Variants in CHD2 observed in about 807,000 individuals in gnomAD.
CHD2 encodes chromodomain helicase DNA binding protein 2, also known as ATP-dependent chromatin remodeler CHD2.
CHD2 carries 28 observed loss-of-function variants against 243.9 expected under a neutral mutation model. The ratio of observed to expected loss-of-function variants is 0.11; its 90% CI spans 0.09 to 0.16. CHD2 has a LOEUF of 0.16. Ranked by LOEUF, CHD2 falls within the 10% of genes least tolerant of loss-of-function variation. The pLI is 1.00. For synonymous variants in CHD2, 775 were observed against 779.0 expected (o/e 0.99, Z 0.09); for missense variants, 1,386 against 2,209.8 (o/e 0.63, Z 7.47).
chr15:92,953,426 C>T lies in CHD2; in HGVS notation c.1572C>T (p.Ser524=), dbSNP rs1019484868. 3 of 1,614,046 alleles carry T rather than the reference C, an allele frequency of 1.9e-6. No homozygotes were observed. Among genetic ancestry groups the T allele is most frequent in the African/African-American group, 2.7e-5 (2 of 74,920 alleles). ...CCATCCAGACCATATCATTCCTCTC[C>T]TACCTGTTCCACCAACACCAGCTGT... ...GKTIQTISFL[S]YLFHQHQLYG... Residue 524 remains serine (S), a synonymous_variant, in exon 14 of 39, where the codon TCC becomes TCT. Coordinates refer to ENST00000394196, the MANE Select transcript of CHD2 (RefSeq NM_001271.4).
At chr15:92,904,035 CTG>C (rs760981821) in intron 2 of CHD2, among the ~76,000 whole-genome samples, 3 of 152,200 alleles carry the variant, frequency 2.0e-5, no homozygotes, top group African/African-American at 7.2e-5. Flanking sequence ...TTGGAGAAGA[CTG>C]AATCTAAACT....
intron 22 of CHD2, among the ~76,000 whole-genome samples, chr15:92,979,538 T>C (rs953194379): frequency 6.6e-6 from 1 of 152,168 alleles, no homozygotes; most frequent in Non-Finnish European, 1.5e-5. Context: ...ATGTGACATA[T>C]GACACAGCAA....
chr15:92,907,803 TCTTA>T (rs2052649980), intron 2 of CHD2, among the ~76,000 whole-genome samples: 1 of 152,160 alleles, frequency 6.6e-6, no homozygotes, highest in Non-Finnish European at 1.5e-5. Context: ...GTTTGTTTCA[TCTTA>T]CTTTCTTGCA....
At chr15:92,967,160 G>A (rs980540640) in intron 16 of CHD2, among the ~76,000 whole-genome samples, 165 bp from the exon 17 acceptor site, 1 of 152,176 alleles carries the variant, frequency 6.6e-6, no homozygotes, top group African/African-American at 2.4e-5. Context: ...GACTGATGGA[G>A]TTGATTTCAT....
chr15:92,972,234 A>G (rs1196124120), intron 18 of CHD2, 31 bp from the exon 19 acceptor site: 2 of 1,593,502 alleles, frequency 1.3e-6, no homozygotes, highest in Admixed American at 1.9e-5. Flanking sequence ...GTGTTTCAAC[A>G]TAATTATTGG....
In CHD2 at chr15:92,941,710, A is replaced by G. The variant is rs761398744; in HGVS notation, c.693-112A>G. 226 of 1,099,286 alleles carry G rather than the reference A, an allele frequency of 2.1e-4. 1 individual carries two copies. Among genetic ancestry groups the G allele is most frequent in the Non-Finnish European group, 2.7e-4 (208 of 767,962 alleles). The allele number at this position is 1,099,286 out of a possible 1,614,324, so 68.1% of individuals were successfully genotyped here. A position where few individuals can be genotyped will look rare whatever the true frequency, so the allele number is the denominator to read the frequency against. On this transcript the variant is annotated intron_variant, in intron 7 of 38. Coordinates refer to ENST00000394196, the MANE Select transcript of CHD2 (RefSeq NM_001271.4). ...CTGTAAATGGCAGATCTATAAAACA[A>G]CATGCTTTTGGAACCAAAAGGGTAT...
intron 2 of CHD2, among the ~76,000 whole-genome samples, chr15:92,923,085 T>C (rs556535969): frequency 9.2e-5 from 14 of 152,238 alleles, no homozygotes; most frequent in Non-Finnish European, 1.9e-4. Flanking sequence ...CTGTTAAGTC[T>C]ACCACTTCTG....
At chr15:92,980,526 G>A (rs1046631341) in intron 22 of CHD2, among the ~76,000 whole-genome samples, 1 of 152,126 alleles carries the variant, frequency 6.6e-6, no homozygotes, top group African/African-American at 2.4e-5. Context: ...TGAGTAAAAG[G>A]CCAAAGGAAA....
At chr15:93,006,157 T>C (rs554049180) in intron 34 of CHD2, among the ~76,000 whole-genome samples, 1 of 149,456 alleles carries the variant, frequency 6.7e-6, no homozygotes, top group South Asian at 2.2e-4. Context: ...GGCAGAGTCT[T>C]GCTCTGTTGC....
Position 92,900,690 on chromosome 15 carries a change from T to G in CHD2, c.-206T>G, listed in dbSNP as rs1340086404. 2.5e-6 allele frequency: 1 copy of G among 398,440 alleles called. No homozygotes were observed. Among genetic ancestry groups the G allele is most frequent in the Non-Finnish European group, 4.4e-6 (1 of 226,114 alleles). 24.7% of individuals were successfully genotyped at this position (398,440 alleles called of 1,614,324 possible). On this transcript the variant is annotated 5_prime_UTR_variant, in exon 1 of 39. An upstream open reading frame in the 5' UTR loses its in-frame stop. Transcript: ENST00000394196. ...TTATTGCTTTATTTTTTTGACCAGTTAACATATTTGAGGGTTATTTTATTT... is the reference window on the plus strand; with the variant it reads ...TTATTGCTTTATTTTTTTGACCAGTGAACATATTTGAGGGTTATTTTATTT...
At chr15:93,021,202 A>G (rs913763495) in intron 38 of CHD2, 1 of 152,090 alleles carries the variant, frequency 6.6e-6, no homozygotes, top group Non-Finnish European at 1.5e-5. Flanking sequence ...TTGGCTTTAC[A>G]GTTTCTTTCA....
intron 16 of CHD2, among the ~76,000 whole-genome samples, chr15:92,965,867 A>G (rs2141828499): frequency 6.6e-6 from 1 of 152,230 alleles, no homozygotes; most frequent in South Asian, 2.1e-4. Flanking sequence ...TTAATTTTTT[A>G]GATTAGTAAA....
intron 21 of CHD2, among the ~76,000 whole-genome samples, 191 bp downstream of exon 21, chr15:92,978,574 T>A (rs1036586704): frequency 1.3e-5 from 2 of 152,254 alleles, no homozygotes; most frequent in African/African-American, 2.4e-5. Flanking sequence ...AAGGAACTTT[T>A]CTTTTTCTCT....
intron 28 of CHD2, among the ~76,000 whole-genome samples, chr15:92,996,488 C>T (rs1371014138): frequency 6.6e-6 from 1 of 152,108 alleles, no homozygotes; most frequent in African/African-American, 2.4e-5. Context: ...TAAGCCACCA[C>T]TTGTTCATCA....
intron 18 of CHD2, 96 bp from the exon 19 acceptor site, chr15:92,972,169 C>A: frequency 7.3e-7 from 1 of 1,377,626 alleles, no homozygotes; most frequent in Non-Finnish European, 9.9e-7. Flanking sequence ...CTTCAGAAAG[C>A]TTTAAGATGA....
At chr15:92,961,318 T>C (rs564161326) in intron 16 of CHD2, among the ~76,000 whole-genome samples, 1 of 152,352 alleles carries the variant, frequency 6.6e-6, no homozygotes, top group South Asian at 2.1e-4. Flanking sequence ...TGTTAATTTG[T>C]GTCTTTCTAA....
At position 93,025,838 on chromosome 15, in the gene CHD2, G is replaced by A. The variant is rs905518840; in HGVS notation, c.*1133G>A. ...CCTTTGCACAGCTTGAAGAAATAGAGTAGACAGAATCACACATCATGTGGT... is the reference window on the plus strand; with the variant it reads ...CCTTTGCACAGCTTGAAGAAATAGAATAGACAGAATCACACATCATGTGGT... On this transcript the variant is annotated 3_prime_UTR_variant, in exon 39 of 39. Transcript: ENST00000394196. 1.3e-5 allele frequency: 2 copies of A among 151,048 alleles called. No homozygotes were observed. Among genetic ancestry groups the A allele is most frequent in the South Asian group, 4.3e-4 (2 of 4,696 alleles). 9.4% of individuals were successfully genotyped at this position (151,048 alleles called of 1,614,324 possible).
chr15:92,939,399 A>G (rs2053320994), intron 6 of CHD2, among the ~76,000 whole-genome samples, 179 bp from the exon 7 acceptor site: 1 of 152,228 alleles, frequency 6.6e-6, no homozygotes, highest in Non-Finnish European at 1.5e-5. Flanking sequence ...TTGGAAATCC[A>G]GATTTCTAGT....
rs2054513945 is a variant in CHD2 at position 93,020,034 on chromosome 15, A to G, written c.4929A>G (p.Glu1643=). 2 of 1,613,162 alleles carry G rather than the reference A, an allele frequency of 1.2e-6. No homozygotes were observed. The highest frequency in any genetic ancestry group is 1.1e-5 in the South Asian group (1 of 91,082). ...SNADRGDWQR[E]RKFNYGGGNN... ...CAGATCGAGGAGACTGGCAGAGGGA[A>G]AGAAAGTTCAACTATGGTGGTGGCA... The change falls in exon 38 of 39, where the codon GAA becomes GAG. Residue 1643 remains glutamate (E), a synonymous_variant. Coordinates refer to ENST00000394196, the MANE Select transcript of CHD2 (RefSeq NM_001271.4).
Sources: gnomAD v4.1 joint callset for allele counts (sites outside exome capture counted in the v4.1 genomes callset) on GRCh38, gnomAD v4.1.1 for gene constraint, MANE v1.5 for transcripts, NCBI Gene and HGNC (gene_info 2026-07-23, HGNC 2026-07-21) for gene names.